SYT16: variants seen among roughly 807,000 people sequenced by gnomAD.
SYT16 encodes the protein synaptotagmin 16.
SYT16 carries 42 observed loss-of-function variants against 61.4 expected under a neutral mutation model. That is an observed-to-expected ratio of 0.68 (90% CI 0.53 to 0.89). SYT16 has a LOEUF of 0.89. Among genes scored for constraint, SYT16 ranks in the 40% least tolerant of loss-of-function variants. The pLI, the probability that SYT16 is intolerant of heterozygous loss-of-function variation, is 0.00. For missense variants in SYT16, 804 were observed against 807.3 expected (o/e 1.00, Z 0.05); for synonymous variants, 314 against 302.3 (o/e 1.04, Z -0.40).
At chr14:61,883,836 T>C (rs2047790482) in intron 1 of SYT16, among the ~76,000 whole-genome samples, 1 of 152,122 alleles carries the variant, frequency 6.6e-6, no homozygotes, top group African/African-American at 2.4e-5. Flanking sequence ...AAACTTACAA[T>C]CATGGCGGAA....
rs988798391 is a variant in SYT16 at position 62,111,844 on chromosome 14, C to A, written c.*11137C>A. ...AACTTCTGACAATCTTCAGAACATT[C>A]CATGTGGGTGTCCTTGTGTTTCTCA... On this transcript the variant is annotated 3_prime_UTR_variant, in exon 8 of 8. Coordinates refer to ENST00000683842, the MANE Select transcript of SYT16 (RefSeq NM_001367656.1). 1.3e-5 allele frequency: 2 copies of A among 152,008 alleles called. No individual in the cohort carries two copies. Among genetic ancestry groups the A allele is most frequent in the African/African-American group, 4.8e-5 (2 of 41,422 alleles). 9.4% of individuals were successfully genotyped at this position (152,008 alleles called of 1,614,324 possible).
At chr14:62,042,884 T>C (rs2054793012) in intron 3 of SYT16, among the ~76,000 whole-genome samples, 1 of 152,194 alleles carries the variant, frequency 6.6e-6, no homozygotes, top group Admixed American at 6.5e-5. Flanking sequence ...GCTTGGACAA[T>C]CATAGGACTT....
intron 5 of SYT16, among the ~76,000 whole-genome samples, chr14:62,076,718 G>A (rs887770291): frequency 6.6e-6 from 1 of 152,262 alleles, no homozygotes; most frequent in South Asian, 2.1e-4. Context: ...CTACCAAGCC[G>A]TATCAAATCC....
At chr14:62,011,924 C>CATATATATATATAT (rs71449575) in intron 3 of SYT16, among the ~76,000 whole-genome samples, 3 of 86,996 alleles carry the variant, frequency 3.4e-5, no homozygotes, top group African/African-American at 1.4e-4. Context: ...CACACACACA[C>CATATATATATATAT]ACATATATAT....
At chr14:62,070,017 C>T (rs897829747) in intron 4 of SYT16, among the ~76,000 whole-genome samples, 1 of 152,182 alleles carries the variant, frequency 6.6e-6, no homozygotes, top group Non-Finnish European at 1.5e-5. Context: ...GGGAATGGAT[C>T]AGGAGTGGGT....
chr14:61,831,914 AG>A, intron 1 of SYT16: 1 of 507,382 alleles, frequency 2.0e-6, no homozygotes, highest in Non-Finnish European at 3.8e-6. Context: ...GAAGCCCTGC[AG>A]GGGTTCACCT....
At position 62,041,859 on chromosome 14, in the gene SYT16, TG is replaced by T. The variant is rs374508227; in HGVS notation, c.524-27742del. On this transcript the variant is annotated intron_variant, in intron 3 of 7. Transcript: ENST00000683842. ...GATTATTTTTCTCTGTGTTTCATTT[TG>T]GATGGTCTCTATTGCTGTTTTCAAG... 1.3e-4 allele frequency among the ~76,000 whole-genome samples: 20 copies of T among 152,320 alleles called. 1 individual carries two copies. Among genetic ancestry groups the T allele is most frequent in the African/African-American group, 4.8e-4 (20 of 41,580 alleles).
intron 2 of SYT16, among the ~76,000 whole-genome samples, chr14:61,991,817 T>C (rs1206629063): frequency 6.6e-6 from 1 of 152,202 alleles, no homozygotes; most frequent in Non-Finnish European, 1.5e-5. Flanking sequence ...TGGCACACAA[T>C]GGCAAATTCT....
intron 3 of SYT16, among the ~76,000 whole-genome samples, chr14:62,031,913 C>T (rs776292640): frequency 5.3e-5 from 8 of 152,116 alleles, no homozygotes; most frequent in East Asian, 1.9e-4. Flanking sequence ...TATACAGAGA[C>T]GATGGACTTC....
In SYT16 at chr14:61,959,846, G is replaced by A. The variant is rs549595844; in HGVS notation, c.-324-10286G>A. Among the ~76,000 whole-genome samples, 334 of 151,954 alleles carry A rather than the reference G, an allele frequency of 2.2e-3. 3 individuals carry two copies. Among genetic ancestry groups the A allele is most frequent in the African/African-American group, 7.8e-3 (322 of 41,432 alleles). ...CTACCTTAGTTTTTTTGTGGGGCTC[G>A]GGGGACAGGGTTTCACTCTGTCACC... On this transcript the variant is annotated intron_variant, in intron 1 of 7. Transcript: ENST00000683842.
chr14:62,041,846 C>T (rs1270450870), intron 3 of SYT16, among the ~76,000 whole-genome samples: 1 of 152,078 alleles, frequency 6.6e-6, no homozygotes, highest in Non-Finnish European at 1.5e-5. Flanking sequence ...TTATTTTTCT[C>T]TGTGTTTCAT....
intron 3 of SYT16, among the ~76,000 whole-genome samples, chr14:62,012,588 CA>C (rs1015170526): frequency 3.7e-4 from 57 of 152,234 alleles, no homozygotes; most frequent in African/African-American, 1.4e-3. Flanking sequence ...AAATGGGGCT[CA>C]GGGGGGACTA....
rs2057451736 is a variant in SYT16 at position 62,103,076 on chromosome 14, A to G, written c.*2369A>G. 1 of 152,216 alleles carries G rather than the reference A, an allele frequency of 6.6e-6. No individual in the cohort carries two copies. The highest frequency in any genetic ancestry group is 6.5e-5 in the Admixed American group (1 of 15,286). The allele number at this position is 152,216 out of a possible 1,614,324, so 9.4% of individuals were successfully genotyped here. Reference sequence around the variant, plus strand: ...GCAACATTCACCCTCAGCTGATTGTATACATTTAAGTGCTGAAGACAAGAT... The same window carrying G: ...GCAACATTCACCCTCAGCTGATTGTGTACATTTAAGTGCTGAAGACAAGAT... On this transcript the variant is annotated 3_prime_UTR_variant, in exon 8 of 8. Coordinates refer to ENST00000683842, the MANE Select transcript of SYT16 (RefSeq NM_001367656.1).
In SYT16 at chr14:62,104,101, T is replaced by G. The variant is rs1387484536; in HGVS notation, c.*3394T>G. 2 of 152,206 alleles carry G rather than the reference T, an allele frequency of 1.3e-5. No homozygotes were observed. The highest frequency in any genetic ancestry group is 4.8e-5 in the African/African-American group (2 of 41,468). 9.4% of individuals were successfully genotyped at this position (152,206 alleles called of 1,614,324 possible). A position where few individuals can be genotyped will look rare whatever the true frequency, so the allele number is the denominator to read the frequency against. On this transcript the variant is annotated 3_prime_UTR_variant, in exon 8 of 8. Transcript: ENST00000683842. ...GTACTATTTAAGTAGAAACTAGCAT[T>G]AGGTTAAATCAAAGTGCTTCTCTGA...
intron 3 of SYT16, among the ~76,000 whole-genome samples, chr14:62,068,852 G>A (rs368231741): frequency 1.3e-5 from 2 of 152,250 alleles, no homozygotes; most frequent in East Asian, 3.9e-4. Context: ...CTGGAGTGCA[G>A]TGGTGCGATC....
At chr14:62,046,627 TATATA>T (rs1387467784) in intron 3 of SYT16, among the ~76,000 whole-genome samples, 1 of 152,226 alleles carries the variant, frequency 6.6e-6, no homozygotes, top group African/African-American at 2.4e-5. Flanking sequence ...AATTAATTTT[TATATA>T]AGGTGTAAGG....
chr14:61,984,699 C>T (rs1326957022), intron 2 of SYT16, among the ~76,000 whole-genome samples: 1 of 152,142 alleles, frequency 6.6e-6, no homozygotes, highest in Non-Finnish European at 1.5e-5. Context: ...GAAAAAGCAA[C>T]AGACAGGCAT....
intron 3 of SYT16, among the ~76,000 whole-genome samples, chr14:62,055,869 G>T (rs749374643): frequency 1.3e-5 from 2 of 152,196 alleles, no homozygotes; most frequent in East Asian, 1.9e-4. Context: ...AAGGAAGCCA[G>T]TCTGAGTCCC....
At chr14:61,815,196 G>A (rs1381225236) in intron 1 of SYT16, among the ~76,000 whole-genome samples, 2 of 152,184 alleles carry the variant, frequency 1.3e-5, no homozygotes, top group Non-Finnish European at 1.5e-5. Context: ...CAGTGATACA[G>A]GAACTACTGT....
Sources: gnomAD v4.1 joint callset for allele counts (sites outside exome capture counted in the v4.1 genomes callset) on GRCh38, gnomAD v4.1.1 for gene constraint, MANE v1.5 for transcripts, NCBI Gene and HGNC (gene_info 2026-07-23, HGNC 2026-07-21) for gene names.